Variants in KALRN observed in about 807,000 individuals in gnomAD.
KALRN encodes the protein kalirin.
A neutral mutation model predicts 353.7 loss-of-function variants in KALRN; 70 were observed. That is an observed-to-expected ratio of 0.20 (90% CI 0.16 to 0.24). The LOEUF (loss-of-function observed/expected upper bound fraction) is 0.24, where lower values mean the gene tolerates loss of function less well. KALRN is among the 10% of genes least tolerant of loss of function. KALRN has a pLI of 1.00. For missense variants in KALRN, 2,791 were observed against 3,756.7 expected, an observed-to-expected ratio of 0.74 and a Z score of 6.72; for synonymous variants, 1,391 against 1,434.8, an observed-to-expected ratio of 0.97 and a Z score of 0.69.
chr3:124,093,495 C>T (rs1559934861), intron 1 of KALRN, among the ~76,000 whole-genome samples: 1 of 152,360 alleles, frequency 6.6e-6, no homozygotes, highest in Middle Eastern at 3.4e-3. Flanking sequence ...GGCTGGCCCA[C>T]TGTAAGAGGG....
At position 124,434,431 on chromosome 3, in the gene KALRN, A is replaced by G; in HGVS notation, c.2954A>G (p.Lys985Arg). 1 of 1,614,230 alleles carries G rather than the reference A, an allele frequency of 6.2e-7. No homozygotes were observed. The highest frequency in any genetic ancestry group is 8.5e-7 in the Non-Finnish European group (1 of 1,180,022). Residue 985 changes from lysine (K) to arginine (R), a missense_variant, in exon 17 of 60, where the codon AAG (lysine) becomes AGG (arginine). Coordinates refer to ENST00000682506, the MANE Select transcript of KALRN (RefSeq NM_001388419.1). The part of the protein sequence containing the change: ...DADAIRECAE[K>R]VALHWQQLML... Reference sequence around the variant, plus strand: ...GATGCCATCCGGGAATGTGCTGAGAAGGTGGCCCTCCACTGGCAGCAGCTC... The same window carrying G: ...GATGCCATCCGGGAATGTGCTGAGAGGGTGGCCCTCCACTGGCAGCAGCTC...
At chr3:124,142,305 G>A (rs556741767) in intron 1 of KALRN, among the ~76,000 whole-genome samples, 55 of 152,318 alleles carry the variant, frequency 3.6e-4, no homozygotes, top group Non-Finnish European at 5.4e-4. Context: ...TCAGTCCTGC[G>A]TTTCAGGCAG....
chr3:124,686,462 G>A (rs772650563), intron 51 of KALRN, among the ~76,000 whole-genome samples: 1 of 152,216 alleles, frequency 6.6e-6, no homozygotes, highest in Admixed American at 6.5e-5. Context: ...GGGCAGCAGT[G>A]TGTGGGTTGG....
In KALRN at chr3:124,490,797, G is replaced by A; in HGVS notation, c.4500G>A (p.Leu1500=). 6.2e-7 allele frequency: 1 copy of A among 1,614,022 alleles called. No individual in the cohort carries two copies. The highest frequency in any genetic ancestry group is 8.5e-7 in the Non-Finnish European group (1 of 1,179,944). Reference sequence around the variant, plus strand: ...TCCGGAAGGGGCGGGAGCGGCACTTGTTCCTCTTTGAGATCTCCTTGGTTT... The same window carrying A: ...TCCGGAAGGGGCGGGAGCGGCACTTATTCCTCTTTGAGATCTCCTTGGTTT... ...SLIRKGRERH[L]FLFEISLVFS... The change falls in exon 30 of 60, where the codon TTG becomes TTA. Residue 1500 remains leucine (L), a synonymous_variant. Coordinates refer to ENST00000682506, the MANE Select transcript of KALRN (RefSeq NM_001388419.1).
At chr3:124,280,605 A>C (rs1242965835) in intron 5 of KALRN, among the ~76,000 whole-genome samples, 3 of 152,184 alleles carry the variant, frequency 2.0e-5, no homozygotes, top group Non-Finnish European at 2.9e-5. Context: ...CCACTTGCAC[A>C]GGTGAGAATG....
At chr3:124,687,337 C>T (rs563350075) in intron 51 of KALRN, among the ~76,000 whole-genome samples, 3 of 152,296 alleles carry the variant, frequency 2.0e-5, no homozygotes, top group East Asian at 3.9e-4. Context: ...CAGCCCCCCA[C>T]CTCCAGTCCC....
intron 15 of KALRN, among the ~76,000 whole-genome samples, chr3:124,427,655 G>C (rs2093083398): frequency 6.6e-6 from 1 of 152,200 alleles, no homozygotes; most frequent in Non-Finnish European, 1.5e-5. Flanking sequence ...TTCATGTCCA[G>C]TTCCCCCTCA....
chr3:124,532,132 G>T (rs1000301123), intron 33 of KALRN, among the ~76,000 whole-genome samples: 13 of 152,174 alleles, frequency 8.5e-5, no homozygotes, highest in Admixed American at 6.5e-5. Context: ...CACAGTAGAT[G>T]ATGCATGGTA....
chr3:124,714,391 T>C (rs2063032844), intron 58 of KALRN, among the ~76,000 whole-genome samples: 1 of 152,180 alleles, frequency 6.6e-6, no homozygotes, highest in Admixed American at 6.5e-5. Flanking sequence ...AACTGCTGTT[T>C]CAAGGGAAGG....
At chr3:124,370,953 CCTT>C (rs555957879) in intron 10 of KALRN, among the ~76,000 whole-genome samples, 321 of 152,322 alleles carry the variant, frequency 2.1e-3, no homozygotes, top group African/African-American at 7.6e-3. Context: ...TTATTTCACT[CCTT>C]CTTAAAATGA....
intron 9 of KALRN, among the ~76,000 whole-genome samples, chr3:124,342,322 CT>C (rs1171363097): frequency 6.6e-6 from 1 of 152,140 alleles, no homozygotes; most frequent in African/African-American, 2.4e-5. Context: ...CCCCTTCTCC[CT>C]TTCCGGTGTC....
At chr3:124,336,253 C>T (rs1250584745) in intron 9 of KALRN, among the ~76,000 whole-genome samples, 10 of 152,040 alleles carry the variant, frequency 6.6e-5, no homozygotes, top group Admixed American at 6.5e-4. Flanking sequence ...TTCTGAAGCC[C>T]TTGTGGGGCC....
intron 21 of KALRN, among the ~76,000 whole-genome samples, chr3:124,453,589 A>C (rs1040170920): frequency 6.6e-6 from 1 of 152,224 alleles, no homozygotes; most frequent in East Asian, 1.9e-4. Context: ...GTTTTGCCTC[A>C]GTTTCCCTGA....
intron 33 of KALRN, among the ~76,000 whole-genome samples, chr3:124,527,215 T>C (rs558614650): frequency 4.7e-4 from 72 of 152,136 alleles, no homozygotes; most frequent in African/African-American, 1.6e-3. Context: ...AGGCAGATAG[T>C]AGTAATGAGT....
chr3:124,374,919 T>G (rs1417840984), intron 10 of KALRN, among the ~76,000 whole-genome samples: 5 of 152,220 alleles, frequency 3.3e-5, no homozygotes, highest in African/African-American at 9.6e-5. Flanking sequence ...AACTGCTTGT[T>G]TCTTTGGCTT....
At chr3:124,056,956 GAA>G in intron 1 of KALRN, among the ~76,000 whole-genome samples, 1 of 152,310 alleles carries the variant, frequency 6.6e-6, no homozygotes, top group South Asian at 2.1e-4. Context: ...TTTGAAAGGA[GAA>G]AAGTTTTGTT....
intron 15 of KALRN, among the ~76,000 whole-genome samples, chr3:124,427,780 A>G (rs2093089352): frequency 6.6e-6 from 1 of 152,104 alleles, no homozygotes; most frequent in African/African-American, 2.4e-5. Flanking sequence ...ATGTAGGGGC[A>G]CTCTTTGAGT....
chr3:124,387,536 G>A, intron 11 of KALRN, among the ~76,000 whole-genome samples: 1 of 152,200 alleles, frequency 6.6e-6, no homozygotes, highest in Non-Finnish European at 1.5e-5. Flanking sequence ...TTGACCCCAG[G>A]TCTTTCTGAC....
chr3:124,538,306 C>G (rs2068718024), intron 33 of KALRN, among the ~76,000 whole-genome samples: 1 of 151,628 alleles, frequency 6.6e-6, no homozygotes, highest in Non-Finnish European at 1.5e-5. Flanking sequence ...GACAGAGAAA[C>G]AGAGGCAGAG....
Sources: gnomAD v4.1 joint callset for allele counts (sites outside exome capture counted in the v4.1 genomes callset) on GRCh38, gnomAD v4.1.1 for gene constraint, MANE v1.5 for transcripts, NCBI Gene and HGNC (gene_info 2026-07-23, HGNC 2026-07-21) for gene names.